Variants in BCHE observed in about 807,000 individuals in gnomAD.
BCHE encodes butyrylcholinesterase.
Under a neutral mutation model 51.3 loss-of-function variants are expected in BCHE, and 48 were observed. The observed-to-expected ratio is 0.94, with a 90% CI of 0.74 to 1.19. BCHE has a LOEUF of 1.19. BCHE is among the 50% of genes most tolerant of loss of function. BCHE has a pLI of 0.00. For synonymous variants in BCHE, 251 were observed against 238.0 expected, an observed-to-expected ratio of 1.05 and a Z score of -0.50; for missense variants, 847 against 708.2, an observed-to-expected ratio of 1.20 and a Z score of -2.23.
chr3:165,773,575 GA>G (rs1364090615), intron 3 of BCHE, 69 bp from the exon 4 acceptor site: 6 of 1,393,036 alleles, frequency 4.3e-6, no homozygotes, highest in Non-Finnish European at 6.0e-6. Context: ...AAATAATTTC[GA>G]ATACAAAAGC....
At position 165,830,054 on chromosome 3, in the gene BCHE, A is replaced by C; in HGVS notation, c.980T>G (p.Leu327Arg). The change falls in exon 2 of 4, where the codon CTC (leucine) becomes CGC (arginine). Residue 327 changes from leucine to arginine, a missense_variant. Leu to Arg is a moderately radical substitution (Grantham distance 102, BLOSUM62 -2). Coordinates refer to ENST00000264381, the MANE Select transcript of BCHE (RefSeq NM_000055.4). ...AAGTAATATGTCTGGCATGTCAGTG[A>C]GAAAATCACCATCCACGGTCGGACC... ...NFGPTVDGDF[L>R]TDMPDILLEL... 1 of 1,613,748 alleles carries C rather than the reference A, an allele frequency of 6.2e-7. No individual in the cohort carries two copies. The highest frequency in any genetic ancestry group is 8.5e-7 in the Non-Finnish European group (1 of 1,179,888).
chr3:165,776,372 A>G (rs1018938443), intron 3 of BCHE, among the ~76,000 whole-genome samples: 7 of 151,996 alleles, frequency 4.6e-5, no homozygotes, highest in Non-Finnish European at 1.5e-5. Flanking sequence ...AGAAAGAATA[A>G]TGCTGCCACC....
chr3:165,791,298 G>T (rs1394960033), intron 2 of BCHE, among the ~76,000 whole-genome samples: 1 of 151,766 alleles, frequency 6.6e-6, no homozygotes, highest in Admixed American at 6.6e-5. Context: ...CCATCTTGGG[G>T]GGCGGGCGGG....
At chr3:165,824,858 G>A (rs1714660901) in intron 2 of BCHE, among the ~76,000 whole-genome samples, 1 of 151,636 alleles carries the variant, frequency 6.6e-6, no homozygotes, top group Admixed American at 6.6e-5. Context: ...TAAAAGGAAA[G>A]GTATACCATA....
rs571162610 is a variant in BCHE, at chr3:165,817,656, G to T, written c.1517+11861C>A. ...TGTCCCTCTATTTTAATAGAACTTTGTCAGAAGCTTTACGTGACCGCCTTA... is the reference window on the plus strand; with the variant it reads ...TGTCCCTCTATTTTAATAGAACTTTTTCAGAAGCTTTACGTGACCGCCTTA... On this transcript the variant is annotated intron_variant, in intron 2 of 3. Coordinates refer to ENST00000264381, the MANE Select transcript of BCHE (RefSeq NM_000055.4). Among the ~76,000 whole-genome samples the T allele has an allele frequency of 4.2e-4, 64 of 152,038 alleles. 1 individual carries two copies. In the South Asian group the frequency reaches 0.013, roughly 30 times the overall value.
At position 165,795,088 on chromosome 3, in the gene BCHE, T is replaced by C. The variant is rs1362289584; in HGVS notation, c.1518-8777A>G. 2.0e-5 allele frequency among the ~76,000 whole-genome samples: 3 copies of C among 152,288 alleles called. No individual in the cohort carries two copies. The East Asian group carries it at 5.8e-4, about 29-fold the overall frequency. On this transcript the variant is annotated intron_variant, in intron 2 of 3. Coordinates refer to ENST00000264381, the MANE Select transcript of BCHE (RefSeq NM_000055.4). ...TCTTGGATCAATTCAGTATCAGTTC[T>C]AAAATAAAACTTTTCACTTTATTAA...
chr3:165,792,979 C>T (rs994604826), intron 2 of BCHE, among the ~76,000 whole-genome samples: 1 of 151,932 alleles, frequency 6.6e-6, no homozygotes, highest in East Asian at 1.9e-4. Context: ...GGAGGTTGTC[C>T]CTTTTCTCTG....
At chr3:165,812,716 G>C (rs913839290) in intron 2 of BCHE, among the ~76,000 whole-genome samples, 1 of 151,906 alleles carries the variant, frequency 6.6e-6, no homozygotes, top group Non-Finnish European at 1.5e-5. Flanking sequence ...ATTTTAATGT[G>C]GTAGTTTCTC....
chr3:165,813,078 T>G (rs1484993295), intron 2 of BCHE, among the ~76,000 whole-genome samples: 1 of 151,900 alleles, frequency 6.6e-6, no homozygotes, highest in Non-Finnish European at 1.5e-5. Context: ...GGATAATTGT[T>G]TAAAACTTTT....
At position 165,830,093 on chromosome 3, in the gene BCHE, A is replaced by C. The variant is rs142586213; in HGVS notation, c.941T>G (p.Leu314Trp). 2 of 1,613,716 alleles carry C rather than the reference A, an allele frequency of 1.2e-6. No individual in the cohort carries two copies. Among genetic ancestry groups the C allele is most frequent in the East Asian group, 2.2e-5 (1 of 44,868 alleles). ...CACGGTCGGACCAAAGTTTACTGAC[A>C]AAGGAGTCCCATAGGGGACAACAAA... is the stretch of plus-strand genomic sequence containing the variant. ...EAFVVPYGTP[L>W]SVNFGPTVDG... The change falls in exon 2 of 4, where the codon TTG becomes TGG. Residue 314 changes from leucine to tryptophan, a missense_variant. Physicochemically the swap from Leu to Trp is moderately conservative, Grantham distance 61 (BLOSUM62 -2). Coordinates refer to ENST00000264381, the MANE Select transcript of BCHE (RefSeq NM_000055.4).
At position 165,830,667 on chromosome 3, in the gene BCHE, G is replaced by C; in HGVS notation, c.367C>G (p.Leu123Val). 1 of 1,613,988 alleles carries C rather than the reference G, an allele frequency of 6.2e-7. No homozygotes were observed. Among genetic ancestry groups the C allele is most frequent in the Non-Finnish European group, 8.5e-7 (1 of 1,179,956 alleles). Residue 123 changes from leucine to valine, a missense_variant, in exon 2 of 4, where the codon CTA becomes GTA. Coordinates refer to ENST00000264381, the MANE Select transcript of BCHE (RefSeq NM_000055.4). ...TTAGGTGCTGGAATCCATACATTTA[G>C]ATATAAACAGTCTTCACTGAGGTCA... ...NTDLSEDCLY[L>V]NVWIPAPKPK...
intron 2 of BCHE, among the ~76,000 whole-genome samples, chr3:165,815,720 T>G (rs886756509): frequency 2.0e-5 from 3 of 152,072 alleles, no homozygotes; most frequent in African/African-American, 7.2e-5. Flanking sequence ...AGAAGTATAT[T>G]CTTTAAGGAC....
At chr3:165,812,770 C>G (rs1364894206) in intron 2 of BCHE, among the ~76,000 whole-genome samples, 1 of 151,892 alleles carries the variant, frequency 6.6e-6, no homozygotes, top group East Asian at 1.9e-4. Context: ...AAGCATAATA[C>G]AGTGAATATG....
intron 2 of BCHE, among the ~76,000 whole-genome samples, chr3:165,825,012 G>GT (rs548795477): frequency 4.9e-4 from 72 of 148,342 alleles, no homozygotes; most frequent in Non-Finnish European, 6.9e-4. Context: ...AGACATAACT[G>GT]TTTTTTTTTC....
chr3:165,773,508 T>G lies in BCHE; in HGVS notation c.1685-2A>C. 2 of 1,603,654 alleles carry G rather than the reference T, an allele frequency of 1.2e-6. No individual in the cohort carries two copies. Among genetic ancestry groups the G allele is most frequent in the Non-Finnish European group, 1.7e-6 (2 of 1,171,274 alleles). On this transcript the variant is annotated splice_acceptor_variant, in intron 3 of 3. Coordinates refer to ENST00000264381, the MANE Select transcript of BCHE (RefSeq NM_000055.4). LOFTEE classifies it high-confidence loss of function. ...CCCATTCTGCTTCATCAATATTTCC[T>G]GTAAAATATGGAATAAGTTGTATTA...
chr3:165,829,714 C>G lies in BCHE; in HGVS notation c.1320G>C (p.Trp440Cys). ...ALEFTKKFSE[W>C]GNNAFFYYFE... is the part of the protein sequence containing the mutation. ...AATAGTAGAAAAAGGCATTATTTCC[C>G]CATTCTGAGAACTTCTTGGTGAACT... Residue 440 changes from tryptophan to cysteine, a missense_variant, in exon 2 of 4, where the codon TGG becomes TGC. Physicochemically the swap from Trp to Cys is radical, Grantham distance 215 (BLOSUM62 -2). Transcript: ENST00000264381. 4 of 1,613,774 alleles carry G rather than the reference C, an allele frequency of 2.5e-6. No individual in the cohort carries two copies. The highest frequency in any genetic ancestry group is 1.3e-5 in the African/African-American group (1 of 74,944).
chr3:165,801,629 T>C (rs1713652329), intron 2 of BCHE, among the ~76,000 whole-genome samples: 1 of 152,208 alleles, frequency 6.6e-6, no homozygotes, highest in African/African-American at 2.4e-5. Context: ...ACACTGAGCA[T>C]GGTAACTTTA....
intron 2 of BCHE, among the ~76,000 whole-genome samples, chr3:165,811,403 G>A (rs1263514316): frequency 1.4e-5 from 2 of 147,036 alleles, no homozygotes; most frequent in African/African-American, 5.0e-5. Context: ...ATAACAAGTT[G>A]TATGTAGATG....
chr3:165,799,310 T>C (rs549752712), intron 2 of BCHE, among the ~76,000 whole-genome samples: 91 of 152,252 alleles, frequency 6.0e-4, no homozygotes, highest in African/African-American at 2.0e-3. Flanking sequence ...TAGTTTAACT[T>C]CCTTTTATGA....
Sources: gnomAD v4.1 joint callset for allele counts (sites outside exome capture counted in the v4.1 genomes callset) on GRCh38, gnomAD v4.1.1 for gene constraint, MANE v1.5 for transcripts, NCBI Gene and HGNC (gene_info 2026-07-23, HGNC 2026-07-21) for gene names.